RNF213: variants seen among roughly 807,000 people sequenced by gnomAD.
RNF213 encodes ring finger protein 213, also known as E3 ubiquitin-protein ligase RNF213.
In RNF213, 341 loss-of-function variants were observed where a neutral mutation model predicts 514.4. That is an observed-to-expected ratio of 0.66 (90% confidence interval 0.61 to 0.73). The LOEUF is 0.73. Ranked by LOEUF, RNF213 falls within the 30% of genes least tolerant of loss-of-function variation. The pLI, the probability that RNF213 is intolerant of heterozygous loss-of-function variation, is 0.00. For synonymous variants in RNF213, 2,655 were observed against 2,658.2 expected (o/e 1.00, Z 0.04); for missense variants, 5,767 against 6,615.6 (o/e 0.87, Z 4.45).
rs149560351 is a variant in RNF213, at chr17:80,376,188, A to G, written c.13186-113A>G. 3,930 of 1,305,238 alleles carry G rather than the reference A, an allele frequency of 3.0e-3. 14 individuals are homozygous for G. The highest frequency in any genetic ancestry group is 9.0e-3 in the South Asian group (735 of 81,862). 80.9% of individuals were successfully genotyped at this position (1,305,238 alleles called of 1,614,324 possible). On this transcript the variant is annotated intron_variant, in intron 51 of 67. Coordinates refer to ENST00000582970, the MANE Select transcript of RNF213 (RefSeq NM_001256071.3). ...AAAATTTCCCCCTCAAATGGTGGTG[A>G]TTTCTCCATATTTACCTTGATATTT... is the stretch of plus-strand genomic sequence containing the variant.
chr17:80,362,987 C>A, intron 39 of RNF213, 115 bp from the exon 40 acceptor site: 1 of 1,005,722 alleles, frequency 9.9e-7, no homozygotes, highest in East Asian at 2.6e-5. Flanking sequence ...CAGAATAGCA[C>A]ACATGGTTTC....
rs771768618 is a variant in RNF213, at chr17:80,374,539, G to A, written c.13024G>A (p.Ala4342Thr). Residue 4342 changes from alanine to threonine, a missense_variant, in exon 50 of 68, where the codon GCC becomes ACC. Physicochemically the swap from Ala to Thr is moderately conservative, Grantham distance 58. Around this residue, in one of 13 missense-constraint regions of RNF213, gnomAD observed 1,245 missense variants for 1,339.0 expected, o/e 0.93. Coordinates refer to ENST00000582970, the MANE Select transcript of RNF213 (RefSeq NM_001256071.3). ...ATACAAGGCTCTCCGTGATGCTGTG[G>A]CCAAAGCTGTCCTCGAGTGCAAGCC... ...DEYKALRDAVAKAVLECKPLG... is the reference protein window; with the variant it reads ...DEYKALRDAVTKAVLECKPLG... The A allele has an allele frequency of 3.1e-6, 5 of 1,614,202 alleles. No individual in the cohort carries two copies. In the South Asian group the frequency reaches 5.5e-5, roughly 18 times the overall value.
chr17:80,283,460 CGTCTGCGCTTACT>C (rs1277232890), intron 3 of RNF213, among the ~76,000 whole-genome samples: 17 of 152,228 alleles, frequency 1.1e-4, no homozygotes, highest in Non-Finnish European at 2.1e-4. Context: ...CCTGCAGTTG[CGTCTGCGCTTACT>C]GCAGTCTTTC....
chr17:80,280,418 A>G (rs79554822), intron 3 of RNF213, among the ~76,000 whole-genome samples: 1 of 152,174 alleles, frequency 6.6e-6, no homozygotes, highest in Non-Finnish European at 1.5e-5. Context: ...TAATTAATGT[A>G]TAACAGTAGT....
At position 80,377,155 on chromosome 17, in the gene RNF213, C is replaced by G; in HGVS notation, c.13510+192C>G. 1.6e-6 allele frequency: 1 copy of G among 615,458 alleles called. No individual in the cohort carries two copies. Among genetic ancestry groups the G allele is most frequent in the Admixed American group, 2.5e-5 (1 of 39,584 alleles). The allele number at this position is 615,458 out of a possible 1,614,324, so 38.1% of individuals were successfully genotyped here. ...GCTGGCACTCCGCCGGCTAGATGATCCAAACCATTTCATTTCTTTGTCGTG... is the reference window on the plus strand; with the variant it reads ...GCTGGCACTCCGCCGGCTAGATGATGCAAACCATTTCATTTCTTTGTCGTG... On this transcript the variant is annotated intron_variant, in intron 53 of 67. Coordinates refer to ENST00000582970, the MANE Select transcript of RNF213 (RefSeq NM_001256071.3). The surrounding 1 kb of genome is among the most constrained non-coding windows in gnomAD (Gnocchi z 4.1).
chr17:80,393,538 A>C lies in RNF213; in HGVS notation c.*40A>C. ...CTATCTTTGGATGACTTTGGAGAGA[A>C]GACTCCTCTCTCCTCGTCTGCGGCG... On this transcript the variant is annotated 3_prime_UTR_variant, in exon 68 of 68. Coordinates refer to ENST00000582970, the MANE Select transcript of RNF213 (RefSeq NM_001256071.3). 1.2e-6 allele frequency: 2 copies of C among 1,601,982 alleles called. No individual in the cohort carries two copies. The highest frequency in any genetic ancestry group is 2.2e-5 in the South Asian group (2 of 90,730).
At chr17:80,278,811 C>A in intron 3 of RNF213, 2 of 1,537,162 alleles carry the variant, frequency 1.3e-6, no homozygotes, top group Non-Finnish European at 1.7e-6. Context: ...ACCTCATATC[C>A]GATGAATGGG....
At position 80,372,992 on chromosome 17, in the gene RNF213, C is replaced by G. The variant is rs144160370; in HGVS notation, c.12769C>G (p.Gln4257Glu). 62 of 1,613,860 alleles carry G rather than the reference C, an allele frequency of 3.8e-5. No homozygotes were observed. The highest frequency in any genetic ancestry group is 3.3e-4 in the African/African-American group (25 of 74,992). Residue 4257 changes from glutamine to glutamate, a missense_variant, in exon 49 of 68, where the codon CAG becomes GAG. Gln to Glu is a conservative substitution (Grantham distance 29). Around this residue, in one of 13 missense-constraint regions of RNF213, gnomAD observed 1,245 missense variants for 1,339.0 expected, o/e 0.93. Transcript: ENST00000582970. ...EGGPEMAKEK[Q>E]CYLQQVKQFC... ...CCTCTCAGAGATGGCCAAGGAGAAG[C>G]AGTGCTACCTGCAGCAAGTCAAGCA...
chr17:80,390,114 C>T lies in RNF213; in HGVS notation c.15388C>T (p.Leu5130=). The change falls in exon 67 of 68, where the codon CTG becomes TTG. Residue 5130 remains leucine (L), a synonymous_variant. Transcript: ENST00000582970. ...FLNQTGLDAF[L]LELHEMIILK... is the part of the protein sequence containing the mutation. ...AAATCAGACTGGCCTAGACGCCTTC[C>T]TGCTAGAGCTGCACGAAATGATAAT... is the stretch of plus-strand genomic sequence containing the variant. 1.2e-6 allele frequency: 2 copies of T among 1,614,242 alleles called. No homozygotes were observed. Among genetic ancestry groups the T allele is most frequent in the South Asian group, 2.2e-5 (2 of 91,088 alleles).
intron 2 of RNF213, among the ~76,000 whole-genome samples, chr17:80,267,081 G>A (rs1271725254): frequency 6.6e-6 from 1 of 152,052 alleles, no homozygotes; most frequent in Non-Finnish European, 1.5e-5. Flanking sequence ...GCTGGGTGTG[G>A]TGGCTCATGC....
At chr17:80,357,776 A>T (rs1265300789) in intron 36 of RNF213, among the ~76,000 whole-genome samples, 1 of 152,214 alleles carries the variant, frequency 6.6e-6, no homozygotes, top group Non-Finnish European at 1.5e-5. Context: ...GTTTGAGACC[A>T]GCCAGCTAGG....
chr17:80,307,702 A>G (rs892396401), intron 13 of RNF213, among the ~76,000 whole-genome samples: 2 of 152,016 alleles, frequency 1.3e-5, no homozygotes, highest in African/African-American at 4.8e-5. Flanking sequence ...GGCGCATGCC[A>G]CCACGCCTGG....
rs1019115738 is a variant in RNF213 at position 80,287,849 on chromosome 17, G to T, written c.296G>T (p.Gly99Val). Residue 99 changes from glycine (G) to valine (V), a missense_variant, in exon 4 of 68, where the codon GGG becomes GTG. Transcript: ENST00000582970. The stretch of plus-strand genomic sequence containing the variant: ...AAGAAAAGGAAGAAGAAAAAGAAGG[G>T]GAACAAGTCCGCTTCCTCAGAGCTG... ...KKKKRKKKKKGNKSASSELAS... is the reference protein window; with the variant it reads ...KKKKRKKKKKVNKSASSELAS... The T allele has an allele frequency of 6.2e-7, 1 of 1,608,994 alleles. No homozygotes were observed. Among genetic ancestry groups the T allele is most frequent in the Non-Finnish European group, 8.5e-7 (1 of 1,177,448 alleles).
At chr17:80,277,282 A>C (rs1356130719) in intron 3 of RNF213, among the ~76,000 whole-genome samples, 1 of 151,666 alleles carries the variant, frequency 6.6e-6, no homozygotes, top group Non-Finnish European at 1.5e-5. Context: ...TTGCTGTGGG[A>C]TTTCTTTCTG....
Position 80,350,398 on chromosome 17 carries a change from T to C in RNF213, c.10184+2T>C. The C allele has an allele frequency of 6.3e-7, 1 of 1,587,252 alleles. No homozygotes were observed. The highest frequency in any genetic ancestry group is 8.7e-7 in the Non-Finnish European group (1 of 1,155,636). On this transcript the variant is annotated splice_donor_variant, in intron 31 of 67. Coordinates refer to ENST00000582970, the MANE Select transcript of RNF213 (RefSeq NM_001256071.3). LOFTEE classifies it high-confidence loss of function. ...CGCCCAGCTCATTGCCTCAGCTAAG[T>C]ATGTTTTTAGTATTTTTCTCAGAAA...
At chr17:80,318,074 C>A (rs201156737) in intron 16 of RNF213, among the ~76,000 whole-genome samples, 6 of 152,106 alleles carry the variant, frequency 3.9e-5, no homozygotes, top group African/African-American at 1.2e-4. Context: ...CGAAGTTAAA[C>A]CGTCTCTCCT....
intron 22 of RNF213, among the ~76,000 whole-genome samples, chr17:80,335,221 C>T (rs73434820): frequency 4.9e-4 from 74 of 152,302 alleles, no homozygotes; most frequent in African/African-American, 1.7e-3. Context: ...TGAGCCACCG[C>T]GCCTGGCCCC....
Position 80,380,888 on chromosome 17 carries a change from C to T in RNF213, c.13698C>T (p.Asp4566=), listed in dbSNP as rs748343121. The T allele has an allele frequency of 3.2e-5, 51 of 1,614,038 alleles. No individual in the cohort carries two copies. Among genetic ancestry groups the T allele is most frequent in the African/African-American group, 2.5e-4 (19 of 74,898 alleles). Residue 4566 remains aspartate, a synonymous_variant, in exon 56 of 68, where the codon GAC becomes GAT. Transcript: ENST00000582970. ...TGCTGGGCAACCCGCAGCGGAGAGA[C>T]GTGGTGACATGTGACCGAGGGCTGC... The part of the protein sequence containing the change: ...GHVLGNPQRR[D]VVTCDRGLPP...
chr17:80,376,272 A>G (rs373741594), intron 51 of RNF213, 29 bp from the exon 52 acceptor site: 1 of 1,613,364 alleles, frequency 6.2e-7, no homozygotes, highest in African/African-American at 1.3e-5. Flanking sequence ...TCTTTGATAC[A>G]TCTTAATGTT....
Sources: allele counts gnomAD v4.1 joint callset (sites outside exome capture counted in the v4.1 genomes callset), GRCh38; gene constraint gnomAD v4.1.1; regional missense constraint gnomAD v4.1.1; non-coding constraint Gnocchi (gnomAD v3.1); transcripts MANE v1.5; gene names NCBI Gene and HGNC (gene_info 2026-07-23, HGNC 2026-07-21).